Variants in GLIS3 observed in about 807,000 individuals in gnomAD.
GLIS3 encodes zinc finger protein GLIS3.
Under a neutral mutation model 78.6 loss-of-function variants are expected in GLIS3, and 53 were observed. That is an observed-to-expected ratio of 0.67 (90% confidence interval 0.54 to 0.85). GLIS3 has a LOEUF of 0.85. Among genes scored for constraint, GLIS3 ranks in the 40% least tolerant of loss-of-function variants. The probability of loss-of-function intolerance (pLI) is 0.00; values close to 1 mark genes in which losing one functional copy is unlikely to be tolerated. For synonymous variants in GLIS3, 684 were observed against 509.9 expected, an observed-to-expected ratio of 1.34 and a Z score of -4.60; for missense variants, 1,703 against 1,231.1, an observed-to-expected ratio of 1.38 and a Z score of -5.74.
chr9:3,870,188 T>C (rs1217008754), intron 8 of GLIS3, among the ~76,000 whole-genome samples: 1 of 152,032 alleles, frequency 6.6e-6, no homozygotes, highest in Non-Finnish European at 1.5e-5. Context: ...AATTAGAAAA[T>C]GATACCTGTG....
chr9:4,352,432 G>T (rs995113681), upstream of GLIS3, among the ~76,000 whole-genome samples: 1 of 152,252 alleles, frequency 6.6e-6, no homozygotes, highest in Admixed American at 6.5e-5. Flanking sequence ...AGGGTATGGG[G>T]ACATAGAAAT....
At chr9:4,125,658 T>C (rs973591933) in intron 3 of GLIS3, 76 bp downstream of exon 3, 14 of 862,304 alleles carry the variant, frequency 1.6e-5, no homozygotes, top group Non-Finnish European at 2.3e-5. Context: ...GTGTGTGTAT[T>C]CAGAAAGAGA....
intron 2 of GLIS3, among the ~76,000 whole-genome samples, chr9:4,253,816 T>C (rs1167233010): frequency 6.6e-6 from 1 of 152,144 alleles, no homozygotes; most frequent in East Asian, 1.9e-4. Context: ...GAATGCACCA[T>C]TCCTCACAGC....
intron 4 of GLIS3, among the ~76,000 whole-genome samples, chr9:4,058,511 A>G (rs760409522): frequency 1.3e-4 from 19 of 151,068 alleles, no homozygotes; most frequent in Non-Finnish European, 2.5e-4. Flanking sequence ...CATGTTATCT[A>G]TTTTTTCCAA....
intron 3 of GLIS3, among the ~76,000 whole-genome samples, chr9:4,309,797 C>G (rs570070156): frequency 2.6e-5 from 4 of 152,132 alleles, no homozygotes; most frequent in African/African-American, 9.6e-5. Context: ...TTGCAACAAG[C>G]AACTCAGCTT....
chr9:4,085,984 T>C (rs974099896), intron 4 of GLIS3, among the ~76,000 whole-genome samples: 3 of 152,216 alleles, frequency 2.0e-5, no homozygotes, highest in Non-Finnish European at 4.4e-5. Context: ...AATGGCCTAA[T>C]ACAATTATCC....
At chr9:4,297,189 G>A (rs940253390) in intron 1 of GLIS3, among the ~76,000 whole-genome samples, 2 of 152,062 alleles carry the variant, frequency 1.3e-5, no homozygotes, top group Non-Finnish European at 2.9e-5. Flanking sequence ...TGAAACAGAA[G>A]TCTGGCTTAC....
intron 2 of GLIS3, among the ~76,000 whole-genome samples, chr9:4,199,117 G>A (rs1484697144): frequency 4.6e-5 from 7 of 152,106 alleles, no homozygotes; most frequent in African/African-American, 1.4e-4. Context: ...ACACACTTAA[G>A]CAGATAGCCC....
intron 2 of GLIS3, among the ~76,000 whole-genome samples, chr9:4,153,608 C>G (rs1834842987): frequency 6.6e-6 from 1 of 152,008 alleles, no homozygotes; most frequent in Admixed American, 6.5e-5. Context: ...ACTAATTAAA[C>G]TAAATAAAGA....
At chr9:3,914,278 TGGGACTACAGCTGTAC>T (rs1824351366) in intron 6 of GLIS3, among the ~76,000 whole-genome samples, 1 of 151,990 alleles carries the variant, frequency 6.6e-6, no homozygotes, top group African/African-American at 2.4e-5. Context: ...CCTGAGTAGC[TGGGACTACAGCTGTAC>T]ACCACCAAAT....
chr9:4,041,397 T>C (rs1381779207), intron 4 of GLIS3, among the ~76,000 whole-genome samples: 1 of 152,334 alleles, frequency 6.6e-6, no homozygotes, highest in East Asian at 1.9e-4. Context: ...TTGAGAAGCC[T>C]TGCTTTAGGC....
At chr9:4,133,158 T>C (rs1206879162) in intron 2 of GLIS3, among the ~76,000 whole-genome samples, 1 of 152,238 alleles carries the variant, frequency 6.6e-6, no homozygotes, top group Non-Finnish European at 1.5e-5. Context: ...ACTTATTTTG[T>C]ATTACAGTAT....
At chr9:4,269,417 G>A (rs1826305703) in intron 2 of GLIS3, among the ~76,000 whole-genome samples, 1 of 152,190 alleles carries the variant, frequency 6.6e-6, no homozygotes, top group Non-Finnish European at 1.5e-5. Flanking sequence ...GCCAGCTACA[G>A]TGCAAATCAA....
rs2130890333 is a variant in GLIS3 at position 3,963,247 on chromosome 9, T to C, written c.1711-26058A>G. On this transcript the variant is annotated intron_variant, in intron 4 of 10. Coordinates refer to ENST00000381971, the MANE Select transcript of GLIS3 (RefSeq NM_001042413.2). ...CCAAACCTTTGCTCATTTCTGGAACTGAACCCTTTTGCAGGTTCTGAAATG... is the reference window on the plus strand; with the variant it reads ...CCAAACCTTTGCTCATTTCTGGAACCGAACCCTTTTGCAGGTTCTGAAATG... 1.3e-5 allele frequency among the ~76,000 whole-genome samples: 2 copies of C among 152,348 alleles called. 1 individual carries two copies. The highest frequency in any genetic ancestry group is 4.1e-4 in the South Asian group (2 of 4,828).
intron 5 of GLIS3, among the ~76,000 whole-genome samples, chr9:3,935,005 A>G (rs1037338491): frequency 6.6e-6 from 1 of 152,180 alleles, no homozygotes; most frequent in Non-Finnish European, 1.5e-5. Flanking sequence ...TAATTAATAC[A>G]ACTTTTAAGG....
intron 2 of GLIS3, among the ~76,000 whole-genome samples, chr9:4,284,388 C>A (rs534019039): frequency 4.0e-4 from 61 of 152,158 alleles, no homozygotes; most frequent in Non-Finnish European, 4.0e-4. Context: ...GTCAAGCATG[C>A]GCTAAAAGGC....
At chr9:3,938,841 A>G (rs1826038099) in intron 4 of GLIS3, among the ~76,000 whole-genome samples, 1 of 152,202 alleles carries the variant, frequency 6.6e-6, no homozygotes, top group Non-Finnish European at 1.5e-5. Flanking sequence ...TAAGGGGCTC[A>G]TTTCTGCAGC....
chr9:4,223,573 A>G (rs1181747014), intron 2 of GLIS3, among the ~76,000 whole-genome samples: 3 of 25,790 alleles, frequency 1.2e-4, no homozygotes, highest in Admixed American at 1.1e-3. Flanking sequence ...CCCTGATGAA[A>G]GAAGTGTTTT....
At position 4,167,723 on chromosome 9, in the gene GLIS3, G is replaced by A. The variant is rs116774101; in HGVS notation, c.389-41782C>T. On this transcript the variant is annotated intron_variant, in intron 2 of 10. Coordinates refer to ENST00000381971, the MANE Select transcript of GLIS3 (RefSeq NM_001042413.2). The stretch of plus-strand genomic sequence containing the variant: ...TTGCCTGATACCACAGCTCACTCAC[G>A]TTCCTTTCACTGAACTTTCACTGCC... 4.0e-3 allele frequency among the ~76,000 whole-genome samples: 610 copies of A among 152,300 alleles called. 4 individuals are homozygous for A. Among genetic ancestry groups the A allele is most frequent in the African/African-American group, 0.014 (580 of 41,570 alleles).
Sources: gnomAD v4.1 joint callset for allele counts (sites outside exome capture counted in the v4.1 genomes callset) on GRCh38, gnomAD v4.1.1 for gene constraint, MANE v1.5 for transcripts, NCBI Gene and HGNC (gene_info 2026-07-23, HGNC 2026-07-21) for gene names.